SH3RF2: variants seen among roughly 807,000 people sequenced by gnomAD.
SH3RF2 encodes E3 ubiquitin-protein ligase SH3RF2.
SH3RF2 carries 43 observed loss-of-function variants against 59.0 expected under a neutral mutation model. The ratio of observed to expected loss-of-function variants is 0.73; its 90% CI spans 0.57 to 0.94. SH3RF2 has a LOEUF of 0.94. Among genes scored for constraint, SH3RF2 ranks in the 40% least tolerant of loss-of-function variants. The pLI is 0.00. For missense variants in SH3RF2, 930 were observed against 940.1 expected (o/e 0.99, Z 0.14); for synonymous variants, 391 against 391.5 (o/e 1.00, Z 0.01).
intron 9 of SH3RF2, among the ~76,000 whole-genome samples, chr5:146,072,416 T>C (rs139551405): frequency 1.0e-3 from 153 of 152,318 alleles, no homozygotes; most frequent in African/African-American, 3.4e-3. Flanking sequence ...CTCACGCCTG[T>C]AATTCCAGCA....
At chr5:146,017,815 G>T (rs115407678) in intron 5 of SH3RF2, among the ~76,000 whole-genome samples, 3,731 of 151,912 alleles carry the variant, frequency 0.025, 166 homozygotes, top group African/African-American at 0.087. Flanking sequence ...CAATCACTTC[G>T]CCTCACCCCG....
intron 2 of SH3RF2, among the ~76,000 whole-genome samples, chr5:145,953,343 C>T (rs541532216): frequency 1.2e-4 from 19 of 152,074 alleles, no homozygotes; most frequent in Non-Finnish European, 2.6e-4. Flanking sequence ...GGGAGAACAT[C>T]CTGACCCTGT....
At chr5:145,997,949 C>T in intron 2 of SH3RF2, 2 of 791,644 alleles carry the variant, frequency 2.5e-6, no homozygotes, top group East Asian at 2.4e-5. Flanking sequence ...TGCCTGACCC[C>T]AAGTTCATGG....
intron 5 of SH3RF2, among the ~76,000 whole-genome samples, chr5:146,029,119 T>C (rs1761649136): frequency 6.6e-6 from 1 of 152,246 alleles, no homozygotes; most frequent in Admixed American, 6.5e-5. Context: ...GGAACTCATT[T>C]TGTGACAGAC....
chr5:145,993,024 G>C (rs1760012338), intron 2 of SH3RF2, among the ~76,000 whole-genome samples: 1 of 152,134 alleles, frequency 6.6e-6, no homozygotes, highest in Non-Finnish European at 1.5e-5. Context: ...TAACTTACTA[G>C]ATACAGTGGG....
chr5:146,064,938 T>G (rs1459401374), downstream of SH3RF2, among the ~76,000 whole-genome samples: 2 of 151,950 alleles, frequency 1.3e-5, no homozygotes, highest in Non-Finnish European at 2.9e-5. Context: ...CCCTAGATAG[T>G]TCTTGAAAGT....
chr5:146,017,661 T>G (rs1329488712), intron 5 of SH3RF2, among the ~76,000 whole-genome samples: 8 of 152,118 alleles, frequency 5.3e-5, no homozygotes, highest in African/African-American at 1.9e-4. Flanking sequence ...CCTCACCTCC[T>G]ACATTCAGCT....
intron 5 of SH3RF2, among the ~76,000 whole-genome samples, chr5:146,024,674 C>A (rs1761462816): frequency 6.6e-6 from 1 of 152,112 alleles, no homozygotes; most frequent in Non-Finnish European, 1.5e-5. Flanking sequence ...TAAGAGCTTA[C>A]AGTTTTTACT....
At chr5:146,023,661 T>TA (rs1761417288) in intron 5 of SH3RF2, among the ~76,000 whole-genome samples, 1 of 152,222 alleles carries the variant, frequency 6.6e-6, no homozygotes, top group Non-Finnish European at 1.5e-5. Flanking sequence ...TTTTAATATA[T>TA]TTACACAGTT....
intron 5 of SH3RF2, among the ~76,000 whole-genome samples, chr5:146,043,410 T>C (rs1762192269): frequency 6.6e-6 from 1 of 151,242 alleles, no homozygotes; most frequent in Non-Finnish European, 1.5e-5. Flanking sequence ...TGAGTCAAGC[T>C]AAGGCCTCTT....
chr5:146,077,947 G>A (rs1763367775), intron 9 of SH3RF2, among the ~76,000 whole-genome samples: 1 of 152,080 alleles, frequency 6.6e-6, no homozygotes, highest in South Asian at 2.1e-4. Context: ...TAGGGGGCTT[G>A]GCAGTAACGG....
At chr5:146,015,224 T>C (rs901143834) in intron 5 of SH3RF2, among the ~76,000 whole-genome samples, 4 of 152,150 alleles carry the variant, frequency 2.6e-5, no homozygotes, top group Non-Finnish European at 5.9e-5. Flanking sequence ...AATCACCTCC[T>C]ACAACACTTC....
chr5:146,042,660 A>G (rs1168846132), intron 5 of SH3RF2, among the ~76,000 whole-genome samples: 3 of 152,214 alleles, frequency 2.0e-5, no homozygotes, highest in Non-Finnish European at 4.4e-5. Flanking sequence ...CCAGCAGGGC[A>G]GAGCATTGCC....
At chr5:146,045,618 T>C (rs1014086283) in intron 5 of SH3RF2, among the ~76,000 whole-genome samples, 2 of 152,246 alleles carry the variant, frequency 1.3e-5, no homozygotes, top group East Asian at 1.9e-4. Flanking sequence ...CTTAGCATAA[T>C]GTTTTCAAGG....
At chr5:146,039,937 A>G (rs1162291064) in intron 5 of SH3RF2, among the ~76,000 whole-genome samples, 1 of 152,234 alleles carries the variant, frequency 6.6e-6, no homozygotes, top group Non-Finnish European at 1.5e-5. Context: ...AGCCACAAAT[A>G]TATGCGAAAA....
chr5:145,956,175 C>G (rs1758398101), intron 2 of SH3RF2, among the ~76,000 whole-genome samples: 1 of 152,156 alleles, frequency 6.6e-6, no homozygotes, highest in Admixed American at 6.5e-5. Flanking sequence ...CCCAGAGTAG[C>G]AAGGGTATAG....
chr5:145,959,605 C>CTATA (rs554564790), intron 2 of SH3RF2, among the ~76,000 whole-genome samples: 41 of 145,406 alleles, frequency 2.8e-4, no homozygotes, highest in African/African-American at 1.1e-3. Flanking sequence ...AAATCTACTG[C>CTATA]TATATATATA....
In SH3RF2 at chr5:145,938,280, C is replaced by T; in HGVS notation, c.352C>T (p.Pro118Ser). 1 of 1,574,498 alleles carries T rather than the reference C, an allele frequency of 6.4e-7. No individual in the cohort carries two copies. Among genetic ancestry groups the T allele is most frequent in the Non-Finnish European group, 8.6e-7 (1 of 1,165,454 alleles). Residue 118 changes from proline (P) to serine (S), a missense_variant, in exon 2 of 10, where the codon CCT becomes TCT. Coordinates refer to ENST00000359120, the MANE Select transcript of SH3RF2 (RefSeq NM_152550.4). Reference protein sequence around the residue: ...RLQASPFRLVPNVRIHMDGVP... With the variant: ...RLQASPFRLVSNVRIHMDGVP... Reference sequence around the variant, plus strand: ...GCAGGCCAGTCCTTTCCGGCTAGTGCCTAATGTCAGAATCCACATGGATGG... The same window carrying T: ...GCAGGCCAGTCCTTTCCGGCTAGTGTCTAATGTCAGAATCCACATGGATGG...
chr5:146,019,817 T>G (rs188324662), intron 5 of SH3RF2, among the ~76,000 whole-genome samples: 5 of 152,310 alleles, frequency 3.3e-5, no homozygotes, highest in Admixed American at 6.5e-5. Flanking sequence ...ATCTTTCACC[T>G]CCTTGGTTAA....
Sources: allele counts gnomAD v4.1 joint callset (sites outside exome capture counted in the v4.1 genomes callset), GRCh38; gene constraint gnomAD v4.1.1; transcripts MANE v1.5; gene names NCBI Gene and HGNC (gene_info 2026-07-23, HGNC 2026-07-21).